The following ERICH1 variants were observed in gnomAD, a reference collection of about 807,000 sequenced individuals.
ERICH1 encodes glutamate rich 1, also known as glutamate-rich protein 1.
A neutral mutation model predicts 39.6 loss-of-function variants in ERICH1; 56 were observed. The ratio of observed to expected loss-of-function variants is 1.41; its 90% CI spans 1.14 to 1.77. The LOEUF (loss-of-function observed/expected upper bound fraction) is 1.77, where lower values mean the gene tolerates loss of function less well. ERICH1 is among the 40% of genes most tolerant of loss of function. The probability of loss-of-function intolerance (pLI) is 0.00; values close to 1 mark genes in which losing one functional copy is unlikely to be tolerated. For synonymous variants in ERICH1, 313 were observed against 223.6 expected (o/e 1.40, Z -3.57); for missense variants, 826 against 575.4 (o/e 1.44, Z -4.45).
rs74570338 is a variant in ERICH1, at chr8:705,653, A to G, written c.169+10208T>C. Among the ~76,000 whole-genome samples, 528 of 142,722 alleles carry G rather than the reference A, an allele frequency of 3.7e-3. 19 individuals carry two copies. The East Asian group carries it at 0.098, about 26-fold the overall frequency. 93.6% of individuals were successfully genotyped at this position (142,722 alleles called of 152,430 possible). A position where few individuals can be genotyped will look rare whatever the true frequency, so the allele number is the denominator to read the frequency against. On this transcript the variant is annotated intron_variant, in intron 2 of 5. Transcript: ENST00000262109. ...CCCACTCACGGCACTTTTTGTCAAC[A>G]TCGTATTAGAACTTCTAGCCAGGGC...
In ERICH1 at chr8:674,173, C is replaced by A. The variant is rs370652977; in HGVS notation, c.305-126G>T. The A allele has an allele frequency of 5.7e-5, 63 of 1,109,658 alleles. No individual in the cohort carries two copies. The African/African-American group carries it at 9.7e-4, about 17-fold the overall frequency. 68.7% of individuals were successfully genotyped at this position (1,109,658 alleles called of 1,614,324 possible). On this transcript the variant is annotated intron_variant, in intron 3 of 5. Coordinates refer to ENST00000262109, the MANE Select transcript of ERICH1 (RefSeq NM_207332.3). ...GAAAAAGAGTTTACACTATTTACTT[C>A]GGTGATTCTCAACTTTACCATCAAA...
At chr8:618,780 G>C (rs1023005750) in intron 3 of ERICH1, among the ~76,000 whole-genome samples, 1 of 152,132 alleles carries the variant, frequency 6.6e-6, no homozygotes, top group Non-Finnish European at 1.5e-5. Flanking sequence ...TAATCTTAAT[G>C]CAAGAGTACG....
chr8:690,470 C>T (rs1369496439), intron 3 of ERICH1, among the ~76,000 whole-genome samples: 1 of 152,266 alleles, frequency 6.6e-6, no homozygotes, highest in Non-Finnish European at 1.5e-5. Context: ...AAAGGGCAGG[C>T]CCTCAGCCTG....
intron 1 of ERICH1, among the ~76,000 whole-genome samples, chr8:724,560 C>G (rs903713079): frequency 6.6e-6 from 1 of 152,138 alleles, no homozygotes; most frequent in Non-Finnish European, 1.5e-5. Flanking sequence ...ACTCAGTTCT[C>G]GGAGTCAGTT....
Position 657,890 on chromosome 8 carries a change from C to T in ERICH1, c.976+10708G>A, listed in dbSNP as rs560471755. 4.6e-5 allele frequency among the ~76,000 whole-genome samples: 7 copies of T among 152,286 alleles called. No homozygotes were observed. The South Asian group carries it at 1.5e-3, about 32-fold the overall frequency. On this transcript the variant is annotated intron_variant, in intron 3 of 3. Transcript: ENST00000522706. ...CATGAACACGAGCACTGCCTTCAACCCCAGCCACTCCCAGAAGAGGAAGAA... is the reference window on the plus strand; with the variant it reads ...CATGAACACGAGCACTGCCTTCAACTCCAGCCACTCCCAGAAGAGGAAGAA...
chr8:629,447 T>G (rs1398726722), intron 3 of ERICH1, among the ~76,000 whole-genome samples: 3 of 148,908 alleles, frequency 2.0e-5, no homozygotes, highest in Admixed American at 2.0e-4. Flanking sequence ...CAGACAGAGC[T>G]GACTCACACG....
At chr8:675,229 CG>C in intron 3 of ERICH1, among the ~76,000 whole-genome samples, 1 of 10,374 alleles carries the variant, frequency 9.6e-5, no homozygotes, top group Non-Finnish European at 1.8e-4. Context: ...AGAGACGCGG[CG>C]GCCCCTCGGC....
chr8:727,948 A>G (rs1454976800), intron 1 of ERICH1, among the ~76,000 whole-genome samples: 1 of 152,182 alleles, frequency 6.6e-6, no homozygotes, highest in African/African-American at 2.4e-5. Flanking sequence ...ACACAGCAGC[A>G]GGCGGTGAGG....
At chr8:663,631 G>A (rs1016349324), downstream of ERICH1, among the ~76,000 whole-genome samples, 2 of 152,158 alleles carry the variant, frequency 1.3e-5, no homozygotes, top group African/African-American at 4.8e-5. Context: ...CCCAGCAAAC[G>A]CATGTGGTAC....
chr8:638,921 C>A (rs1798680659), intron 3 of ERICH1, among the ~76,000 whole-genome samples: 1 of 152,120 alleles, frequency 6.6e-6, no homozygotes, highest in Non-Finnish European at 1.5e-5. Context: ...CACTTGGTTC[C>A]CTCCTGACAA....
chr8:637,045 C>G (rs113986584), intron 3 of ERICH1, among the ~76,000 whole-genome samples: 1 of 152,228 alleles, frequency 6.6e-6, no homozygotes, highest in Non-Finnish European at 1.5e-5. Context: ...GCTCACCAAG[C>G]CTGTTCCTTG....
Position 731,193 on chromosome 8 carries a change from C to G in ERICH1, c.-32G>C, listed in dbSNP as rs1286126907. 1 of 1,489,932 alleles carries G rather than the reference C, an allele frequency of 6.7e-7. No homozygotes were observed. The highest frequency in any genetic ancestry group is 8.9e-7 in the Non-Finnish European group (1 of 1,122,184). 92.3% of individuals were successfully genotyped at this position (1,489,932 alleles called of 1,614,324 possible). A position where few individuals can be genotyped will look rare whatever the true frequency, so the allele number is the denominator to read the frequency against. ...CCCTGCCGCGGACCTCAGACCACGGCGCGCGGTCCTGAGCTGAGCGCCGTG... is the reference window on the plus strand; with the variant it reads ...CCCTGCCGCGGACCTCAGACCACGGGGCGCGGTCCTGAGCTGAGCGCCGTG... On this transcript the variant is annotated 5_prime_UTR_variant, in exon 1 of 6. Coordinates refer to ENST00000262109, the MANE Select transcript of ERICH1 (RefSeq NM_207332.3).
intron 2 of ERICH1, among the ~76,000 whole-genome samples, chr8:707,147 G>T (rs950571062): frequency 4.6e-5 from 7 of 151,218 alleles, no homozygotes; most frequent in African/African-American, 1.5e-4. Context: ...TACATCAATG[G>T]AATAGAATTG....
At chr8:615,675 G>C (rs1256454076) in intron 3 of ERICH1, 1 of 166,376 alleles carries the variant, frequency 6.0e-6, no homozygotes, top group Non-Finnish European at 1.3e-5. Context: ...TGGAAAGGTA[G>C]TCAGTCTAGT....
intron 3 of ERICH1, among the ~76,000 whole-genome samples, chr8:636,207 C>A (rs1798425375): frequency 6.6e-6 from 1 of 152,238 alleles, no homozygotes; most frequent in Admixed American, 6.5e-5. Context: ...AATCCCTGCG[C>A]CCCAACCACC....
chr8:672,361 G>C (rs373820735), intron 4 of ERICH1, among the ~76,000 whole-genome samples: 73 of 152,340 alleles, frequency 4.8e-4, no homozygotes, highest in African/African-American at 1.6e-3. Flanking sequence ...AAGAGGAAGA[G>C]GCTAGAGTGC....
intron 3 of ERICH1, among the ~76,000 whole-genome samples, chr8:652,311 G>A (rs747006372): frequency 2.0e-5 from 3 of 152,348 alleles, no homozygotes; most frequent in Admixed American, 6.5e-5. Flanking sequence ...GCCTGGCCCC[G>A]TCAGAGTCAC....
intron 5 of ERICH1, chr8:666,776 G>GCCC (rs1479287252): frequency 6.6e-6 from 1 of 152,474 alleles, no homozygotes; most frequent in African/African-American, 2.4e-5. Flanking sequence ...CTTTCTGGGA[G>GCCC]CCCCTCCTCC....
intron 3 of ERICH1, among the ~76,000 whole-genome samples, chr8:688,510 T>C (rs994613209): frequency 1.2e-4 from 18 of 151,946 alleles, no homozygotes; most frequent in African/African-American, 4.3e-4. Context: ...ACGGCCCTCC[T>C]GGCGCTCTTC....
Sources: gnomAD v4.1 joint callset for allele counts (sites outside exome capture counted in the v4.1 genomes callset) on GRCh38, gnomAD v4.1.1 for gene constraint, MANE v1.5 for transcripts, NCBI Gene and HGNC (gene_info 2026-07-23, HGNC 2026-07-21) for gene names.